The following GOLGA4 variants were observed in gnomAD, a reference collection of about 807,000 sequenced individuals.
GOLGA4 encodes golgin subfamily A member 4.
Under a neutral mutation model 265.9 loss-of-function variants are expected in GOLGA4, and 169 were observed. The observed-to-expected ratio is 0.64, with a 90% confidence interval of 0.56 to 0.72. GOLGA4 has a LOEUF of 0.72. GOLGA4 is among the 30% of genes least tolerant of loss of function. The pLI, the probability that GOLGA4 is intolerant of heterozygous loss-of-function variation, is 0.00. For synonymous variants in GOLGA4, 923 were observed against 855.8 expected, an observed-to-expected ratio of 1.08 and a Z score of -1.37; for missense variants, 2,482 against 2,483.4, an observed-to-expected ratio of 1.00 and a Z score of 0.01.
intron 5 of GOLGA4, 148 bp from the exon 6 acceptor site, chr3:37,294,831 A>C (rs1189998468): frequency 9.1e-6 from 5 of 552,182 alleles, no homozygotes; most frequent in Non-Finnish European, 1.6e-5. Flanking sequence ...AAATAATGTT[A>C]ATGTTTTACA....
chr3:37,319,097 A>G lies in GOLGA4; in HGVS notation c.1448A>G (p.Lys483Arg), dbSNP rs1221142585. The G allele has an allele frequency of 6.2e-7, 1 of 1,609,166 alleles. No individual in the cohort carries two copies. Among genetic ancestry groups the G allele is most frequent in the Admixed American group, 1.7e-5 (1 of 59,448 alleles). ...SSEEQIAKLQ[K>R]LHEKELARKE... Reference sequence around the variant, plus strand: ...GAAGAACAAATTGCTAAGCTACAGAAGCTTCATGAAAAGGAGCTGGCCAGA... The same window carrying G: ...GAAGAACAAATTGCTAAGCTACAGAGGCTTCATGAAAAGGAGCTGGCCAGA... Residue 483 changes from lysine (K) to arginine (R), a missense_variant, in exon 12 of 24, where the codon AAG (lysine) becomes AGG (arginine). By Grantham distance (26) the Lys-to-Arg change is conservative (BLOSUM62 2). Coordinates refer to ENST00000361924, the MANE Select transcript of GOLGA4 (RefSeq NM_002078.5).
At chr3:37,270,961 G>A (rs1261121905) in intron 2 of GOLGA4, among the ~76,000 whole-genome samples, 1 of 151,878 alleles carries the variant, frequency 6.6e-6, no homozygotes, top group Non-Finnish European at 1.5e-5. Flanking sequence ...TTCTGAGGGT[G>A]ATGGGAGACA....
At chr3:37,248,765 A>G (rs773903940) in intron 1 of GOLGA4, among the ~76,000 whole-genome samples, 1 of 152,294 alleles carries the variant, frequency 6.6e-6, no homozygotes, top group Non-Finnish European at 1.5e-5. Flanking sequence ...TGAGGCTCTC[A>G]GTTACTGATT....
At chr3:37,278,871 G>A (rs1429116074) in intron 2 of GOLGA4, among the ~76,000 whole-genome samples, 1 of 147,446 alleles carries the variant, frequency 6.8e-6, no homozygotes, top group Non-Finnish European at 1.5e-5. Context: ...GTAGTGCAGT[G>A]GTGCAGTCAT....
intron 2 of GOLGA4, among the ~76,000 whole-genome samples, chr3:37,251,919 T>G (rs755154617): frequency 2.0e-5 from 3 of 152,212 alleles, no homozygotes; most frequent in Non-Finnish European, 1.5e-5. Flanking sequence ...TGGGCTCAAG[T>G]GATTCTCCCA....
At chr3:37,264,843 G>T (rs938832531) in intron 2 of GOLGA4, among the ~76,000 whole-genome samples, 3 of 152,130 alleles carry the variant, frequency 2.0e-5, no homozygotes, top group African/African-American at 7.2e-5. Flanking sequence ...CTACAGGTCT[G>T]TGTCACCATG....
Position 37,347,302 on chromosome 3 carries a change from A to G in GOLGA4, c.6576+6A>G. 1 of 1,490,826 alleles carries G rather than the reference A, an allele frequency of 6.7e-7. No homozygotes were observed. The highest frequency in any genetic ancestry group is 1.7e-5 in the Admixed American group (1 of 59,320). The allele number at this position is 1,490,826 out of a possible 1,614,324, so 92.3% of individuals were successfully genotyped here. ...TGATGGGTCGTGAGACTAAGGTATA[A>G]ATCATGTCTCGTGATTTGGTGTGTG... is the stretch of plus-strand genomic sequence containing the variant. On this transcript the variant is annotated splice_donor_region_variant and intron_variant, in intron 21 of 23. Coordinates refer to ENST00000361924, the MANE Select transcript of GOLGA4 (RefSeq NM_002078.5).
At chr3:37,266,998 A>G (rs2096785526) in intron 2 of GOLGA4, 3 of 734,864 alleles carry the variant, frequency 4.1e-6, no homozygotes, top group Non-Finnish European at 6.1e-6. Flanking sequence ...TAATTTGGCA[A>G]TTGTAGAAGC....
intron 10 of GOLGA4, among the ~76,000 whole-genome samples, chr3:37,309,227 G>A (rs1189784735): frequency 6.7e-6 from 1 of 149,700 alleles, no homozygotes; most frequent in African/African-American, 2.5e-5. Flanking sequence ...ACTCCAGCCT[G>A]GGCGACAGAG....
chr3:37,336,026 G>T (rs1475380291), intron 17 of GOLGA4, among the ~76,000 whole-genome samples: 1 of 152,114 alleles, frequency 6.6e-6, no homozygotes, highest in Non-Finnish European at 1.5e-5. Flanking sequence ...CAGTTACCAG[G>T]TAACAATTTT....
chr3:37,274,370 C>T (rs2096807763), intron 2 of GOLGA4, among the ~76,000 whole-genome samples: 1 of 151,068 alleles, frequency 6.6e-6, no homozygotes, highest in Admixed American at 6.6e-5. Context: ...TTGTTTGAAC[C>T]CCTCCAAAAA....
At chr3:37,356,333 C>G (rs570238329) in intron 22 of GOLGA4, among the ~76,000 whole-genome samples, 1 of 152,256 alleles carries the variant, frequency 6.6e-6, no homozygotes, top group East Asian at 1.9e-4. Context: ...ACCACTTCTT[C>G]TTGGTCTCCT....
intron 2 of GOLGA4, among the ~76,000 whole-genome samples, chr3:37,271,485 A>T (rs1473286288): frequency 1.3e-5 from 2 of 152,210 alleles, no homozygotes; most frequent in African/African-American, 4.8e-5. Context: ...GAAACATATT[A>T]CAAAAGTGGA....
At chr3:37,360,338 A>G (rs985271580) in intron 22 of GOLGA4, among the ~76,000 whole-genome samples, 1 of 152,190 alleles carries the variant, frequency 6.6e-6, no homozygotes, top group African/African-American at 2.4e-5. Context: ...AGTACTTTAC[A>G]AGCATAGACA....
chr3:37,351,906 A>G (rs1295498417), intron 21 of GOLGA4, among the ~76,000 whole-genome samples: 1 of 152,004 alleles, frequency 6.6e-6, no homozygotes, highest in Non-Finnish European at 1.5e-5. Flanking sequence ...ATTGCCTTCA[A>G]CTGAGAGTCA....
Position 37,276,294 on chromosome 3 carries a change from CA to C in GOLGA4, c.163-5658del, listed in dbSNP as rs368685676. 5.0e-4 allele frequency: 800 copies of C among 1,593,070 alleles called. 4 individuals carry two copies. The highest frequency in any genetic ancestry group is 3.8e-3 in the East Asian group (172 of 44,692). On this transcript the variant is annotated intron_variant, in intron 2 of 23. Transcript: ENST00000361924. ...AGTAGGATATCAAATCTTAAAGATG[CA>C]AAAAATCCAAATTTAAGGAAAAATG...
Position 37,325,902 on chromosome 3 carries a change from C to G in GOLGA4, c.4016C>G (p.Ser1339Cys), listed in dbSNP as rs369913270. ...CAACAGGCTGCTTCTGAAAAGGAGTCTTGTATAACACAGTTGAAGAAAGAG... is the reference window on the plus strand; with the variant it reads ...CAACAGGCTGCTTCTGAAAAGGAGTGTTGTATAACACAGTTGAAGAAAGAG... ...NQQQAASEKE[S>C]CITQLKKELS... Residue 1339 changes from serine to cysteine, a missense_variant, in exon 14 of 24, where the codon TCT becomes TGT. Coordinates refer to ENST00000361924, the MANE Select transcript of GOLGA4 (RefSeq NM_002078.5). 6.2e-7 allele frequency: 1 copy of G among 1,613,202 alleles called. No homozygotes were observed. Among genetic ancestry groups the G allele is most frequent in the Non-Finnish European group, 8.5e-7 (1 of 1,179,520 alleles).
intron 13 of GOLGA4, 143 bp downstream of exon 13, chr3:37,322,029 A>G (rs928031890): frequency 2.1e-5 from 14 of 668,156 alleles, no homozygotes; most frequent in Non-Finnish European, 3.0e-5. Context: ...AGTGTGAGCT[A>G]TGCATGGGAG....
intron 23 of GOLGA4, among the ~76,000 whole-genome samples, chr3:37,365,430 T>C (rs1696674913): frequency 6.6e-6 from 1 of 152,138 alleles, no homozygotes; most frequent in African/African-American, 2.4e-5. Context: ...CACGGCCGGC[T>C]AATTTTTTTG....
Sources: gnomAD v4.1 joint callset for allele counts (sites outside exome capture counted in the v4.1 genomes callset) on GRCh38, gnomAD v4.1.1 for gene constraint, MANE v1.5 for transcripts, NCBI Gene and HGNC (gene_info 2026-07-23, HGNC 2026-07-21) for gene names.